Variants in TPCN2 observed in about 807,000 individuals in gnomAD.
TPCN2 encodes two pore segment channel 2.
A neutral mutation model predicts 111.4 loss-of-function variants in TPCN2; 92 were observed. The ratio of observed to expected loss-of-function variants is 0.83; its 90% confidence interval spans 0.70 to 0.98. The LOEUF (loss-of-function observed/expected upper bound fraction) is 0.98. Among genes scored for constraint, TPCN2 ranks in the 50% least tolerant of loss-of-function variants. The pLI is 0.00. For synonymous variants in TPCN2, 405 were observed against 414.5 expected (o/e 0.98, Z 0.28); for missense variants, 995 against 980.1 (o/e 1.02, Z -0.20).
At chr11:69,065,032 T>C (rs959904406) in intron 7 of TPCN2, among the ~76,000 whole-genome samples, 2 of 130,792 alleles carry the variant, frequency 1.5e-5, no homozygotes, top group African/African-American at 5.3e-5. Flanking sequence ...TATGTCTGTG[T>C]GTGCGTGTGG....
intron 19 of TPCN2, 46 bp from the exon 20 acceptor site, chr11:69,085,164 G>A: frequency 6.4e-7 from 1 of 1,552,458 alleles, no homozygotes; most frequent in Non-Finnish European, 8.9e-7. Context: ...GGTGGTGGGT[G>A]CACCCATGGG....
rs1487256326 is a variant in TPCN2, at chr11:69,064,593, CT to C, written c.726+627del. ...GCTCCAGTGCTATGTGTTTGTCCTC[CT>C]GTCCTGGCCGAGGGCACCATCCTTC... On this transcript the variant is annotated intron_variant, in intron 7 of 24. Coordinates refer to ENST00000294309, the MANE Select transcript of TPCN2 (RefSeq NM_139075.4). Among the ~76,000 whole-genome samples, 48 of 152,242 alleles carry C rather than the reference CT, an allele frequency of 3.2e-4. 2 individuals carry two copies. The highest frequency in any genetic ancestry group is 7.3e-5 in the Non-Finnish European group (5 of 68,038).
chr11:69,067,112 C>A lies in TPCN2; in HGVS notation c.727-391C>A, dbSNP rs77392816. Among the ~76,000 whole-genome samples the A allele has an allele frequency of 2.5e-4, 38 of 152,322 alleles. No individual in the cohort carries two copies. In the East Asian group the frequency reaches 7.1e-3, roughly 29 times the overall value. On this transcript the variant is annotated intron_variant, in intron 7 of 24. Transcript: ENST00000294309. ...AAGGGTCCAACCTATCTCACCCTGG[C>A]AGCCTGGGCCCCTCTGCTCCTCCTG...
Position 69,085,846 on chromosome 11 carries a change from A to G in TPCN2, c.1921-2A>G. ...CTGGACCGCTGGTCTCTGCCCCCGC[A>G]GGCTGCCCTGGTCACTCTGTGGAAC... On this transcript the variant is annotated splice_acceptor_variant, in intron 21 of 24. Transcript: ENST00000294309. LOFTEE classifies it high-confidence loss of function. The G allele has an allele frequency of 2.5e-6, 4 of 1,614,080 alleles. No homozygotes were observed. Among genetic ancestry groups the G allele is most frequent in the Non-Finnish European group, 3.4e-6 (4 of 1,179,972 alleles).
At chr11:69,073,060 C>A in intron 13 of TPCN2, 59 bp downstream of exon 13, 1 of 1,255,486 alleles carries the variant, frequency 8.0e-7, no homozygotes, top group Admixed American at 1.7e-5. Context: ...TTCCCCTGCC[C>A]TTGATCACCT....
chr11:69,057,062 T>A (rs953934788), intron 4 of TPCN2, among the ~76,000 whole-genome samples: 11 of 151,922 alleles, frequency 7.2e-5, no homozygotes, highest in Non-Finnish European at 1.3e-4. Context: ...GGTCTCAAAC[T>A]CCCGACCTTG....
chr11:69,086,393 C>T (rs1856275894), intron 22 of TPCN2, 130 bp from the exon 23 acceptor site: 10 of 763,812 alleles, frequency 1.3e-5, no homozygotes, highest in South Asian at 3.0e-5. Flanking sequence ...GAAATAGTAA[C>T]GCGCTCTGCA....
intron 7 of TPCN2, among the ~76,000 whole-genome samples, chr11:69,066,814 A>G (rs1256384918): frequency 6.6e-6 from 1 of 152,152 alleles, no homozygotes; most frequent in East Asian, 1.9e-4. Flanking sequence ...GAGGCTTGGT[A>G]GGCAGAGGGT....
chr11:69,079,239 T>C (rs1403591367), intron 16 of TPCN2: 2 of 592,198 alleles, frequency 3.4e-6, no homozygotes, highest in African/African-American at 3.7e-5. Context: ...CATCCGAGTG[T>C]CATGGGGGGC....
At chr11:69,071,805 G>GC in intron 10 of TPCN2, 118 bp from the exon 11 acceptor site, 1 of 917,520 alleles carries the variant, frequency 1.1e-6, no homozygotes. Flanking sequence ...TGGGGAACTG[G>GC]GCCCCCCCCC....
chr11:69,079,957 G>A, intron 17 of TPCN2, 74 bp downstream of exon 17: 2 of 1,447,762 alleles, frequency 1.4e-6, no homozygotes, highest in Non-Finnish European at 9.7e-7. Context: ...GAGGGTCTCA[G>A]TGGTGTCCAG....
intron 9 of TPCN2, 89 bp from the exon 10 acceptor site, chr11:69,071,267 G>A (rs973180509): frequency 1.4e-5 from 14 of 1,006,814 alleles, no homozygotes; most frequent in South Asian, 2.7e-5. Flanking sequence ...GGACGCCCCC[G>A]GCGCTGTGCT....
intron 1 of TPCN2, among the ~76,000 whole-genome samples, chr11:69,052,078 G>A (rs1197581793): frequency 2.0e-5 from 3 of 152,176 alleles, no homozygotes; most frequent in Admixed American, 2.0e-4. Context: ...CAAAAAGCCA[G>A]GCGAAAGGGA....
At chr11:69,081,320 CA>C in intron 17 of TPCN2, 79 bp from the exon 18 acceptor site, 1 of 962,536 alleles carries the variant, frequency 1.0e-6, no homozygotes, top group Non-Finnish European at 1.6e-6. Flanking sequence ...CGCCTCCGTC[CA>C]GGAACCCGCG....
chr11:69,080,337 C>T (rs1450018193), intron 17 of TPCN2, among the ~76,000 whole-genome samples: 1 of 152,264 alleles, frequency 6.6e-6, no homozygotes, highest in African/African-American at 2.4e-5. Context: ...CTGGACATCA[C>T]TTTAGCCTCC....
At chr11:69,058,899 G>A (rs909006614) in intron 5 of TPCN2, among the ~76,000 whole-genome samples, 1 of 152,274 alleles carries the variant, frequency 6.6e-6, no homozygotes, top group Admixed American at 6.5e-5. Flanking sequence ...TAACTTACAG[G>A]CTAAATTGTA....
At chr11:69,066,727 G>A (rs541662948) in intron 7 of TPCN2, among the ~76,000 whole-genome samples, 1 of 152,150 alleles carries the variant, frequency 6.6e-6, no homozygotes, top group Non-Finnish European at 1.5e-5. Context: ...GCCAAGTCCC[G>A]CTGTGCCACC....
At chr11:69,080,936 TGGGGTC>T (rs1565093670) in intron 17 of TPCN2, among the ~76,000 whole-genome samples, 1 of 151,416 alleles carries the variant, frequency 6.6e-6, no homozygotes, top group African/African-American at 2.4e-5. Context: ...GGGTCAGGGA[TGGGGTC>T]AGGGTCAGGG....
chr11:69,064,839 T>C (rs1158511397), intron 7 of TPCN2, among the ~76,000 whole-genome samples: 3 of 152,126 alleles, frequency 2.0e-5, no homozygotes, highest in East Asian at 1.9e-4. Flanking sequence ...TGTGCATGTT[T>C]GTTTGTATGT....
Sources: gnomAD v4.1 joint callset for allele counts (sites outside exome capture counted in the v4.1 genomes callset) on GRCh38, gnomAD v4.1.1 for gene constraint, MANE v1.5 for transcripts, NCBI Gene and HGNC (gene_info 2026-07-23, HGNC 2026-07-21) for gene names.